ANK3: variants seen among roughly 807,000 people sequenced by gnomAD.
ANK3 encodes the protein ankyrin 3, also known as ankyrin-3.
In ANK3, 57 loss-of-function variants were observed where a neutral mutation model predicts 370.9. The observed-to-expected ratio is 0.15, with a 90% CI of 0.12 to 0.19. ANK3 has a LOEUF of 0.19. ANK3 is among the 10% of genes least tolerant of loss of function. ANK3 has a pLI of 1.00. For missense variants in ANK3, 4,439 were observed against 5,302.1 expected, an observed-to-expected ratio of 0.84 and a Z score of 5.06; for synonymous variants, 1,929 against 1,946.3, an observed-to-expected ratio of 0.99 and a Z score of 0.23.
At chr10:60,450,485 TA>T (rs1276134301) in intron 2 of ANK3, among the ~76,000 whole-genome samples, 1 of 151,934 alleles carries the variant, frequency 6.6e-6, no homozygotes, top group Non-Finnish European at 1.5e-5. Flanking sequence ...AATTTCAACT[TA>T]CAGGAAGAAG....
intron 1 of ANK3, among the ~76,000 whole-genome samples, chr10:60,640,271 C>G (rs186695701): frequency 0.023 from 3,389 of 150,010 alleles, 52 homozygotes; most frequent in Non-Finnish European, 0.033. Flanking sequence ...AGAGGGAGTC[C>G]TCCCTAACTC....
chr10:60,169,364 GTTT>G (rs71015773), intron 21 of ANK3, among the ~76,000 whole-genome samples: 19 of 51,896 alleles, frequency 3.7e-4, no homozygotes, highest in African/African-American at 1.3e-3. Context: ...TTGTCTCATA[GTTT>G]TTTTTTTTTT....
intron 1 of ANK3, among the ~76,000 whole-genome samples, chr10:60,649,610 C>T (rs755682523): frequency 1.3e-5 from 2 of 152,156 alleles, no homozygotes; most frequent in African/African-American, 2.4e-5. Context: ...ATTGAGTAGG[C>T]GGTTGTTTTC....
chr10:60,106,581 G>A (rs2092203925), intron 27 of ANK3, among the ~76,000 whole-genome samples: 1 of 151,530 alleles, frequency 6.6e-6, no homozygotes, highest in Non-Finnish European at 1.5e-5. Context: ...GGCCTGTACA[G>A]TTAAGACAAT....
Position 60,069,439 on chromosome 10 carries a change from G to A in ANK3, c.11442C>T (p.Pro3814=), listed in dbSNP as rs140398841. The A allele has an allele frequency of 7.4e-6, 12 of 1,613,788 alleles. No homozygotes were observed. In the African/African-American group the frequency reaches 1.1e-4, roughly 14 times the overall value. The change falls in exon 37 of 44, where the codon CCC becomes CCT. Residue 3814 remains proline, a synonymous_variant. Transcript: ENST00000280772. Reference sequence around the variant, plus strand: ...GGTTATCTTTCTCTGTGGTACAAGTGGGTGCAGAATGTTCTGTCAGAACTA... The same window carrying A: ...GGTTATCTTTCTCTGTGGTACAAGTAGGTGCAGAATGTTCTGTCAGAACTA... ...SNIVLTEHSA[P]TCTTEKDNPV... is the part of the protein sequence containing the mutation.
At chr10:60,662,303 T>G (rs2078944997) in intron 1 of ANK3, among the ~76,000 whole-genome samples, 1 of 152,164 alleles carries the variant, frequency 6.6e-6, no homozygotes, top group Admixed American at 6.5e-5. Flanking sequence ...ATGTGCCCAC[T>G]TCATATCTGA....
chr10:60,281,173 G>A (rs559578858), intron 1 of ANK3, among the ~76,000 whole-genome samples: 1 of 152,280 alleles, frequency 6.6e-6, no homozygotes, highest in Admixed American at 6.5e-5. Context: ...CACTGCCTCT[G>A]GAGTCACCTG....
In ANK3 at chr10:60,686,812, C is replaced by T. The variant is rs564217205; in HGVS notation, c.57+46451G>A. ...AACAAGCATGCATAAACTTAGTATT[C>T]GATAGGAATGCTAGGATCTTCACAA... On this transcript the variant is annotated intron_variant, in intron 1 of 43. Transcript: ENST00000373827. Among the ~76,000 whole-genome samples, 7 of 152,214 alleles carry T rather than the reference C, an allele frequency of 4.6e-5. No individual in the cohort carries two copies. In the South Asian group the frequency reaches 8.3e-4, roughly 18 times the overall value.
intron 1 of ANK3, among the ~76,000 whole-genome samples, chr10:60,672,701 A>G (rs1338948027): frequency 6.6e-6 from 1 of 152,200 alleles, no homozygotes; most frequent in East Asian, 1.9e-4. Context: ...TAAATTAATC[A>G]AACCCAAGGA....
intron 8 of ANK3, among the ~76,000 whole-genome samples, chr10:60,232,855 G>A (rs931658257): frequency 6.6e-6 from 1 of 152,102 alleles, no homozygotes; most frequent in Non-Finnish European, 1.5e-5. Flanking sequence ...TATTGGTTGA[G>A]TAAATAAATG....
intron 1 of ANK3, among the ~76,000 whole-genome samples, chr10:60,698,758 G>A (rs1362050630): frequency 9.6e-6 from 1 of 103,740 alleles, no homozygotes; most frequent in African/African-American, 3.6e-5. Context: ...GTTGTGGGGT[G>A]GGGGGAGGGG....
At chr10:60,103,488 AT>A (rs796583970) in intron 28 of ANK3, among the ~76,000 whole-genome samples, 8 of 1,170 alleles carry the variant, frequency 6.8e-3, no homozygotes, top group South Asian at 0.06. Context: ...CAGATTTGGG[AT>A]TTTTTTTTTG....
chr10:60,505,801 G>C (rs906525851), intron 2 of ANK3, among the ~76,000 whole-genome samples: 9 of 152,038 alleles, frequency 5.9e-5, no homozygotes, highest in African/African-American at 2.2e-4. Context: ...TTTTTAAAAA[G>C]CTCTTTTTTT....
intron 2 of ANK3, among the ~76,000 whole-genome samples, chr10:60,488,193 TC>T (rs1463313480): frequency 6.6e-6 from 1 of 152,158 alleles, no homozygotes; most frequent in Non-Finnish European, 1.5e-5. Flanking sequence ...ATTTGGATTT[TC>T]TTTGCATGTC....
chr10:60,629,851 G>A (rs1334421180), intron 1 of ANK3, among the ~76,000 whole-genome samples: 1 of 152,052 alleles, frequency 6.6e-6, no homozygotes, highest in Non-Finnish European at 1.5e-5. Context: ...ACTTTTTTAT[G>A]AAAATGGATA....
intron 1 of ANK3, among the ~76,000 whole-genome samples, chr10:60,638,015 G>A (rs1258236569): frequency 6.6e-6 from 1 of 152,178 alleles, no homozygotes; most frequent in East Asian, 1.9e-4. Context: ...GTGCTGGAAG[G>A]AAGAACCCCA....
chr10:60,403,711 CT>C (rs2063398041), intron 2 of ANK3, among the ~76,000 whole-genome samples: 1 of 152,178 alleles, frequency 6.6e-6, no homozygotes, highest in Non-Finnish European at 1.5e-5. Context: ...AGTATTGGCA[CT>C]CTTACTATTT....
chr10:60,477,523 A>G (rs1013910009), intron 2 of ANK3, among the ~76,000 whole-genome samples: 1 of 114,590 alleles, frequency 8.7e-6, no homozygotes. Context: ...ACATACACAC[A>G]CACACACACA....
rs1192022980 is a variant in ANK3 at position 60,347,481 on chromosome 10, T to C, written c.114+41944A>G. Among the ~76,000 whole-genome samples, 6 of 152,118 alleles carry C rather than the reference T, an allele frequency of 3.9e-5. No homozygotes were observed. The East Asian group carries it at 1.2e-3, about 30-fold the overall frequency. ...GTGAGTCAAATCCCAAGACAAGTATTTGCTGTGTGATGTTGGACAAGTCAC... is the reference window on the plus strand; with the variant it reads ...GTGAGTCAAATCCCAAGACAAGTATCTGCTGTGTGATGTTGGACAAGTCAC... On this transcript the variant is annotated intron_variant, in intron 1 of 43. Transcript: ENST00000280772.
Sources: gnomAD v4.1 joint callset for allele counts (sites outside exome capture counted in the v4.1 genomes callset) on GRCh38, gnomAD v4.1.1 for gene constraint, MANE v1.5 for transcripts, NCBI Gene and HGNC (gene_info 2026-07-23, HGNC 2026-07-21) for gene names.